The following CAP2 variants were observed in gnomAD, a reference collection of about 807,000 sequenced individuals.
CAP2 encodes the protein adenylyl cyclase-associated protein 2.
A neutral mutation model predicts 57.7 loss-of-function variants in CAP2; 24 were observed. The observed-to-expected ratio is 0.42, with a 90% CI of 0.30 to 0.58. The LOEUF is 0.58. CAP2 is among the 20% of genes least tolerant of loss of function. The pLI, the probability that CAP2 is intolerant of heterozygous loss-of-function variation, is 0.22. For synonymous variants in CAP2, 194 were observed against 207.2 expected, an observed-to-expected ratio of 0.94 and a Z score of 0.55; for missense variants, 501 against 590.3, an observed-to-expected ratio of 0.85 and a Z score of 1.57.
At chr6:17,551,977 A>T (rs1763181671) in intron 12 of CAP2, among the ~76,000 whole-genome samples, 1 of 152,222 alleles carries the variant, frequency 6.6e-6, no homozygotes, top group African/African-American at 2.4e-5. Context: ...GACAGAGAAA[A>T]GACAGTAAGT....
chr6:17,512,147 T>C lies in CAP2; in HGVS notation c.531-1702T>C, dbSNP rs531625631. Among the ~76,000 whole-genome samples, 3 of 152,250 alleles carry C rather than the reference T, an allele frequency of 2.0e-5. No individual in the cohort carries two copies. In the South Asian group the frequency reaches 6.2e-4, roughly 32 times the overall value. ...GCTCATGCCTGTAATCCCAGCTCTT[T>C]GGGAGGCTGAGGAGGGAAGATACCT... is the stretch of plus-strand genomic sequence containing the variant. On this transcript the variant is annotated intron_variant, in intron 6 of 12. Transcript: ENST00000229922.
At chr6:17,556,222 G>C (rs1763307379) in intron 12 of CAP2, 137 bp from the exon 13 acceptor site, 2 of 641,432 alleles carry the variant, frequency 3.1e-6, no homozygotes, top group African/African-American at 3.6e-5. Flanking sequence ...TCCCCATGAC[G>C]CAGCTTGCAA....
At chr6:17,498,005 A>G (rs926311740) in intron 4 of CAP2, among the ~76,000 whole-genome samples, 1 of 152,236 alleles carries the variant, frequency 6.6e-6, no homozygotes, top group Non-Finnish European at 1.5e-5. Flanking sequence ...TTACATTTCC[A>G]TTCAACTTGA....
chr6:17,549,201 C>A (rs138823048), intron 11 of CAP2, among the ~76,000 whole-genome samples: 1 of 152,164 alleles, frequency 6.6e-6, no homozygotes. Flanking sequence ...CGGTGGCTCA[C>A]GCCTGTAATC....
At chr6:17,466,707 A>G (rs1335058838) in intron 4 of CAP2, among the ~76,000 whole-genome samples, 1 of 152,214 alleles carries the variant, frequency 6.6e-6, no homozygotes, top group Non-Finnish European at 1.5e-5. Context: ...ATTGAGCAGC[A>G]AGACTTTAGT....
At chr6:17,398,336 GTC>G (rs1242259184) in intron 1 of CAP2, among the ~76,000 whole-genome samples, 1 of 152,110 alleles carries the variant, frequency 6.6e-6, no homozygotes, top group African/African-American at 2.4e-5. Context: ...AGTTAGGTAA[GTC>G]TGATAACAAT....
chr6:17,425,733 G>A (rs529380293), intron 2 of CAP2, among the ~76,000 whole-genome samples: 3 of 152,232 alleles, frequency 2.0e-5, no homozygotes, highest in Admixed American at 6.5e-5. Flanking sequence ...ATTATGTAGC[G>A]TCTTTACTCA....
At chr6:17,416,363 G>C (rs1051716339) in intron 1 of CAP2, among the ~76,000 whole-genome samples, 1 of 152,084 alleles carries the variant, frequency 6.6e-6, no homozygotes, top group Admixed American at 6.6e-5. Context: ...TGCAGCGAAC[G>C]TTCATTATGA....
intron 7 of CAP2, among the ~76,000 whole-genome samples, chr6:17,538,212 G>A (rs904349622): frequency 2.0e-5 from 3 of 151,804 alleles, no homozygotes; most frequent in African/African-American, 7.3e-5. Flanking sequence ...TACTTTGGGA[G>A]GCCAGGGCAG....
intron 3 of CAP2, among the ~76,000 whole-genome samples, chr6:17,453,120 T>C (rs536764740): frequency 1.3e-5 from 2 of 152,372 alleles, no homozygotes; most frequent in Admixed American, 1.3e-4. Flanking sequence ...CATTCTTCCA[T>C]CTGCTCAGCA....
At chr6:17,440,159 G>A (rs1011255193) in intron 3 of CAP2, among the ~76,000 whole-genome samples, 6 of 151,620 alleles carry the variant, frequency 4.0e-5, no homozygotes, top group Middle Eastern at 3.2e-3. Context: ...ATCAGGATAT[G>A]TCTCTCCATT....
In CAP2 at chr6:17,513,517, C is replaced by T. The variant is rs1762203899; in HGVS notation, c.531-332C>T. Reference sequence around the variant, plus strand: ...AGTGCAGAAAGAAACAGTCTCCCCTCCACGCCCCCGTCACGTGAGGGCTGA... The same window carrying T: ...AGTGCAGAAAGAAACAGTCTCCCCTTCACGCCCCCGTCACGTGAGGGCTGA... On this transcript the variant is annotated intron_variant, in intron 6 of 12. Transcript: ENST00000229922. The surrounding 1 kb of genome is among the most constrained non-coding windows in gnomAD (Gnocchi z 4.3). 6.6e-6 allele frequency among the ~76,000 whole-genome samples: 1 copy of T among 152,128 alleles called. No individual in the cohort carries two copies. Among genetic ancestry groups the T allele is most frequent in the Non-Finnish European group, 1.5e-5 (1 of 68,040 alleles).
intron 4 of CAP2, among the ~76,000 whole-genome samples, chr6:17,467,468 A>T (rs976575411): frequency 3.9e-5 from 6 of 152,204 alleles, no homozygotes; most frequent in African/African-American, 1.4e-4. Flanking sequence ...GGAATGGGGT[A>T]TCCATCCCCT....
chr6:17,396,811 A>G (rs988882550), intron 1 of CAP2, among the ~76,000 whole-genome samples: 1 of 152,182 alleles, frequency 6.6e-6, no homozygotes, highest in Non-Finnish European at 1.5e-5. Flanking sequence ...ATTGTGTGGT[A>G]TGTGAATTAC....
chr6:17,502,796 A>G (rs984389750), intron 4 of CAP2, among the ~76,000 whole-genome samples: 14 of 152,334 alleles, frequency 9.2e-5, no homozygotes, highest in African/African-American at 3.4e-4. Flanking sequence ...TTTCTCAAAA[A>G]TGTCATTACA....
chr6:17,490,823 G>A (rs1004514879), intron 4 of CAP2, among the ~76,000 whole-genome samples: 5 of 152,202 alleles, frequency 3.3e-5, no homozygotes, highest in African/African-American at 1.2e-4. Flanking sequence ...AAAGGGCTTG[G>A]AAAGTGGCTG....
chr6:17,509,142 T>A (rs545632087), intron 6 of CAP2, among the ~76,000 whole-genome samples: 1 of 152,126 alleles, frequency 6.6e-6, no homozygotes, highest in Non-Finnish European at 1.5e-5. Context: ...AAATTTTATA[T>A]GGAATATAGA....
At chr6:17,539,521 A>G in intron 8 of CAP2, 63 bp downstream of exon 8, 1 of 1,251,984 alleles carries the variant, frequency 8.0e-7, no homozygotes, top group Admixed American at 2.0e-5. Context: ...GACACAAAAG[A>G]GCCGCTGGAG....
chr6:17,483,747 T>A (rs1295693834), intron 4 of CAP2, among the ~76,000 whole-genome samples: 1 of 152,190 alleles, frequency 6.6e-6, no homozygotes, highest in African/African-American at 2.4e-5. Context: ...TCAAGGCTGC[T>A]GAGAGATTCC....
Sources: gnomAD v4.1 joint callset for allele counts (sites outside exome capture counted in the v4.1 genomes callset) on GRCh38, gnomAD v4.1.1 for gene constraint, Gnocchi (gnomAD v3.1) non-coding constraint, MANE v1.5 for transcripts, NCBI Gene and HGNC (gene_info 2026-07-23, HGNC 2026-07-21) for gene names.